Variants in NMNAT2 observed in about 807,000 individuals in gnomAD.
The protein encoded by NMNAT2 is nicotinamide nucleotide adenylyltransferase 2.
A neutral mutation model predicts 41.6 loss-of-function variants in NMNAT2; 11 were observed. The observed-to-expected ratio is 0.26, with a 90% CI of 0.17 to 0.44. The LOEUF is 0.44. NMNAT2 is among the 20% of genes least tolerant of loss of function. The pLI is 1.00. For synonymous variants in NMNAT2, 148 were observed against 151.2 expected (o/e 0.98, Z 0.16); for missense variants, 288 against 407.7 (o/e 0.71, Z 2.53).
Position 183,252,625 on chromosome 1 carries a change from G to A in NMNAT2, c.*16C>T, listed in dbSNP as rs570800852. 5.1e-6 allele frequency: 8 copies of A among 1,579,546 alleles called. No individual in the cohort carries two copies. In the East Asian group the frequency reaches 6.7e-5, roughly 13 times the overall value. On this transcript the variant is annotated 3_prime_UTR_variant, in exon 11 of 11. Transcript: ENST00000287713. Reference sequence around the variant, plus strand: ...AAGATGGAGGGGCCATTGTGTTGCCGGAGGACGAGGGGCTGCTAGCCGGAG... The same window carrying A: ...AAGATGGAGGGGCCATTGTGTTGCCAGAGGACGAGGGGCTGCTAGCCGGAG...
intron 1 of NMNAT2, among the ~76,000 whole-genome samples, chr1:183,401,392 G>A (rs1174966568): frequency 2.6e-5 from 4 of 152,052 alleles, no homozygotes; most frequent in South Asian, 4.1e-4. Flanking sequence ...TTAGAATGGT[G>A]ATCATTAAAA....
intron 1 of NMNAT2, among the ~76,000 whole-genome samples, chr1:183,305,074 CT>C (rs1256057748): frequency 6.6e-6 from 1 of 150,698 alleles, no homozygotes; most frequent in East Asian, 2.0e-4. Context: ...AGGCTCCAGG[CT>C]TCTTGGAATT....
chr1:183,340,819 T>C (rs972436267), intron 1 of NMNAT2, among the ~76,000 whole-genome samples: 1 of 152,226 alleles, frequency 6.6e-6, no homozygotes, highest in African/African-American at 2.4e-5. Context: ...GGTGCCCTGA[T>C]GGCAGGAGAG....
At chr1:183,332,628 G>T (rs1287814061) in intron 1 of NMNAT2, among the ~76,000 whole-genome samples, 1 of 152,118 alleles carries the variant, frequency 6.6e-6, no homozygotes, top group Non-Finnish European at 1.5e-5. Context: ...GCACATGGGG[G>T]CAGTGGAGGA....
chr1:183,253,904 CGTGTGT>C (rs139756017), intron 10 of NMNAT2, among the ~76,000 whole-genome samples: 4,635 of 144,310 alleles, frequency 0.032, 132 homozygotes, highest in African/African-American at 0.078. Flanking sequence ...GTTCCACTTC[CGTGTGT>C]GTGTGTGTGT....
chr1:183,329,661 A>G (rs1187512091), intron 1 of NMNAT2, among the ~76,000 whole-genome samples: 1 of 152,138 alleles, frequency 6.6e-6, no homozygotes, highest in Admixed American at 6.5e-5. Flanking sequence ...CTGCCCACCC[A>G]TCACCTTTTT....
At chr1:183,395,336 G>C (rs747600210) in intron 1 of NMNAT2, among the ~76,000 whole-genome samples, 2 of 151,644 alleles carry the variant, frequency 1.3e-5, no homozygotes, top group African/African-American at 4.8e-5. Context: ...CACATCAAGG[G>C]ATTTAGAGTG....
intron 7 of NMNAT2, among the ~76,000 whole-genome samples, chr1:183,281,386 C>T: frequency 6.6e-6 from 1 of 152,080 alleles, no homozygotes; most frequent in East Asian, 1.9e-4. Flanking sequence ...ACAGGGAAGC[C>T]CCCCTCCCCA....
At chr1:183,301,604 T>C (rs1248075383) in intron 1 of NMNAT2, among the ~76,000 whole-genome samples, 1 of 152,240 alleles carries the variant, frequency 6.6e-6, no homozygotes, top group African/African-American at 2.4e-5. Flanking sequence ...TCCATGACCG[T>C]TGCCACATCC....
At chr1:183,405,558 C>T (rs1217463545) in intron 1 of NMNAT2, among the ~76,000 whole-genome samples, 1 of 152,208 alleles carries the variant, frequency 6.6e-6, no homozygotes, top group African/African-American at 2.4e-5. Context: ...TAGCCACTTA[C>T]ATGGGAGCCC....
At chr1:183,329,797 A>C (rs1431430124) in intron 1 of NMNAT2, among the ~76,000 whole-genome samples, 3 of 152,224 alleles carry the variant, frequency 2.0e-5, no homozygotes, top group Admixed American at 6.5e-5. Context: ...CATTGCAAGC[A>C]TCCGGTGTTA....
rs1397690512 is a variant in NMNAT2 at position 183,249,076 on chromosome 1, C to T, written c.*3565G>A. 1 of 152,138 alleles carries T rather than the reference C, an allele frequency of 6.6e-6. No homozygotes were observed. The highest frequency in any genetic ancestry group is 1.5e-5 in the Non-Finnish European group (1 of 68,034). The allele number at this position is 152,138 out of a possible 1,614,324, so 9.4% of individuals were successfully genotyped here. On this transcript the variant is annotated 3_prime_UTR_variant, in exon 11 of 11. Transcript: ENST00000287713. The stretch of plus-strand genomic sequence containing the variant: ...AAGTTCTTTAATTCTTTCTGAGAAG[C>T]TGGAGCTTGAAACTAGAGAACATTG...
rs369300099 is a variant in NMNAT2 at position 183,308,345 on chromosome 1, G to A, written c.86-14552C>T. 5.3e-5 allele frequency among the ~76,000 whole-genome samples: 8 copies of A among 152,274 alleles called. No individual in the cohort carries two copies. The East Asian group carries it at 1.5e-3, about 29-fold the overall frequency. ...TGGGGAAGTGTACATTCTAACACGT[G>A]GTCCACGAGAGCATAAATTGATAAA... On this transcript the variant is annotated intron_variant, in intron 1 of 10. Transcript: ENST00000287713.
intron 1 of NMNAT2, among the ~76,000 whole-genome samples, chr1:183,362,879 T>C (rs1663334560): frequency 6.6e-6 from 1 of 152,246 alleles, no homozygotes; most frequent in Non-Finnish European, 1.5e-5. Context: ...TATATTCCAA[T>C]CAACAATTGT....
intron 1 of NMNAT2, among the ~76,000 whole-genome samples, chr1:183,416,988 CG>C (rs1649273194): frequency 6.6e-6 from 1 of 152,136 alleles, no homozygotes; most frequent in African/African-American, 2.4e-5. Context: ...GCCTCCCACA[CG>C]CTCTCTCATC....
chr1:183,355,792 C>T (rs989754817), intron 1 of NMNAT2, among the ~76,000 whole-genome samples: 2 of 152,196 alleles, frequency 1.3e-5, no homozygotes, highest in African/African-American at 2.4e-5. Context: ...CTGTACAGGT[C>T]GTGTTGCTGT....
At chr1:183,275,375 C>T (rs529730861) in intron 8 of NMNAT2, among the ~76,000 whole-genome samples, 13 of 152,112 alleles carry the variant, frequency 8.5e-5, no homozygotes, top group Middle Eastern at 3.4e-3. Context: ...CTAAGGACCT[C>T]GCAGATCAGC....
chr1:183,363,581 C>T (rs78908264), intron 1 of NMNAT2, among the ~76,000 whole-genome samples: 1 of 144,872 alleles, frequency 6.9e-6, no homozygotes, highest in South Asian at 2.6e-4. Flanking sequence ...CACACACATA[C>T]ACACACACAC....
At position 183,348,890 on chromosome 1, in the gene NMNAT2, G is replaced by C. The variant is rs1037912527; in HGVS notation, c.86-55097C>G. Reference sequence around the variant, plus strand: ...CAGAAGATCAGAATACAAATCCTTGGAAGTCAAGGTAGTGTCTCCTCACAT... The same window carrying C: ...CAGAAGATCAGAATACAAATCCTTGCAAGTCAAGGTAGTGTCTCCTCACAT... On this transcript the variant is annotated intron_variant, in intron 1 of 10. Coordinates refer to ENST00000287713, the MANE Select transcript of NMNAT2 (RefSeq NM_015039.4). Among the ~76,000 whole-genome samples, 3 of 152,162 alleles carry C rather than the reference G, an allele frequency of 2.0e-5. No homozygotes were observed. In the South Asian group the frequency reaches 6.2e-4, roughly 32 times the overall value.
Sources: allele counts gnomAD v4.1 joint callset (sites outside exome capture counted in the v4.1 genomes callset), GRCh38; gene constraint gnomAD v4.1.1; transcripts MANE v1.5; gene names NCBI Gene and HGNC (gene_info 2026-07-23, HGNC 2026-07-21).